ABCC9: variants seen among roughly 807,000 people sequenced by gnomAD.
ABCC9 encodes the protein ATP binding cassette subfamily C member 9.
A neutral mutation model predicts 188.3 loss-of-function variants in ABCC9; 95 were observed. The observed-to-expected ratio is 0.50, with a 90% CI of 0.43 to 0.60. The LOEUF (loss-of-function observed/expected upper bound fraction) is 0.60. Ranked by LOEUF, ABCC9 falls within the 20% of genes least tolerant of loss-of-function variation. The probability of loss-of-function intolerance (pLI) is 0.00; values close to 1 mark genes in which losing one functional copy is unlikely to be tolerated. For missense variants in ABCC9, 1,102 were observed against 1,876.3 expected (o/e 0.59, Z 7.62); for synonymous variants, 659 against 652.7 (o/e 1.01, Z -0.15).
intron 4 of ABCC9, among the ~76,000 whole-genome samples, chr12:21,929,897 A>G (rs1369164778): frequency 1.3e-5 from 2 of 152,052 alleles, no homozygotes; most frequent in African/African-American, 4.8e-5. Context: ...GTTTTGTTAC[A>G]TATGTATACA....
intron 8 of ABCC9, among the ~76,000 whole-genome samples, chr12:21,911,591 G>A (rs545993627): frequency 1.4e-4 from 22 of 152,042 alleles, no homozygotes; most frequent in African/African-American, 3.1e-4. Flanking sequence ...TGTAACAATA[G>A]CATATGGTAA....
Position 21,818,140 on chromosome 12 carries a change from C to A in ABCC9, c.3771+10G>T, listed in dbSNP as rs1192963644. ...TTATCTGTTCCTGTAATATTTTTAT[C>A]CATACCTACCGTAAGTGCATACAGA... On this transcript the variant is annotated intron_variant, in intron 32 of 39. Transcript: ENST00000261200. 1 of 1,585,726 alleles carries A rather than the reference C, an allele frequency of 6.3e-7. No individual in the cohort carries two copies. The highest frequency in any genetic ancestry group is 1.3e-5 in the African/African-American group (1 of 74,248).
chr12:21,829,037 C>A lies in ABCC9; in HGVS notation c.3590G>T (p.Arg1197Leu), dbSNP rs755156050. 3 of 1,613,734 alleles carry A rather than the reference C, an allele frequency of 1.9e-6. No homozygotes were observed. The highest frequency in any genetic ancestry group is 2.7e-5 in the African/African-American group (2 of 74,866). Residue 1197 changes from arginine to leucine, a missense_variant, in exon 31 of 40, where the codon CGT (arginine) becomes CTT (leucine). Arg to Leu is a moderately radical substitution (Grantham distance 102). This residue lies in a region of ABCC9 where 143 missense variants were observed against 225.6 expected (regional missense o/e 0.63). Coordinates refer to ENST00000261200, the MANE Select transcript of ABCC9 (RefSeq NM_020297.4). Reference sequence around the variant, plus strand: ...GTTTGTATCCGTCAGTTCCAGCATACGTTGTTTAAATCTGGTTTCATGCCT... The same window carrying A: ...GTTTGTATCCGTCAGTTCCAGCATAAGTTGTTTAAATCTGGTTTCATGCCT... ...AFRHETRFKQ[R>L]MLELTDTNNI...
chr12:21,929,258 A>C (rs1024513805), intron 4 of ABCC9, among the ~76,000 whole-genome samples: 3 of 151,964 alleles, frequency 2.0e-5, no homozygotes, highest in Non-Finnish European at 4.4e-5. Flanking sequence ...ACTATAATAA[A>C]AATGCTAATA....
intron 39 of ABCC9, among the ~76,000 whole-genome samples, chr12:21,802,917 G>T (rs1280023296): frequency 6.6e-6 from 1 of 152,116 alleles, no homozygotes; most frequent in Admixed American, 6.6e-5. Context: ...GACTCATGAC[G>T]TGAGGGGAAA....
At chr12:21,889,209 A>G (rs1565450772) in intron 14 of ABCC9, among the ~76,000 whole-genome samples, 1 of 152,198 alleles carries the variant, frequency 6.6e-6, no homozygotes, top group Non-Finnish European at 1.5e-5. Context: ...TTAGCTGTCA[A>G]ATTGCACTTG....
intron 18 of ABCC9, among the ~76,000 whole-genome samples, chr12:21,866,703 C>T (rs892598148): frequency 3.9e-5 from 6 of 152,098 alleles, no homozygotes; most frequent in African/African-American, 1.2e-4. Context: ...TTCAAGGAGT[C>T]GTCGATGGGT....
chr12:21,872,260 G>A (rs1407233432), intron 18 of ABCC9, among the ~76,000 whole-genome samples: 2 of 152,100 alleles, frequency 1.3e-5, no homozygotes, highest in Non-Finnish European at 1.5e-5. Context: ...TTAAGGCACT[G>A]TTTCTATTTA....
rs141721874 is a variant in ABCC9, at chr12:21,814,278, T to C, written c.4102+366A>G. On this transcript the variant is annotated intron_variant, in intron 35 of 39. Transcript: ENST00000261200. ...TACCTCCTTGTACTTTTTTCCTTTG[T>C]TGGAAAGAGACATACATTTAGTCTA... is the stretch of plus-strand genomic sequence containing the variant. 4.6e-3 allele frequency among the ~76,000 whole-genome samples: 704 copies of C among 152,282 alleles called. 8 individuals carry two copies. The highest frequency in any genetic ancestry group is 0.016 in the African/African-American group (676 of 41,550).
At chr12:21,880,925 G>A (rs1460472828) in intron 16 of ABCC9, among the ~76,000 whole-genome samples, 1 of 151,800 alleles carries the variant, frequency 6.6e-6, no homozygotes, top group African/African-American at 2.4e-5. Flanking sequence ...ATTAAATTCT[G>A]GTATATTTAT....
chr12:21,805,429 A>T, intron 39 of ABCC9: 1 of 968,350 alleles, frequency 1.0e-6, no homozygotes, highest in South Asian at 1.4e-5. Context: ...CCACTTGCAA[A>T]GAGGAAAAGG....
chr12:21,932,891 G>A (rs780744082), intron 4 of ABCC9, among the ~76,000 whole-genome samples: 4 of 151,138 alleles, frequency 2.6e-5, no homozygotes, highest in Non-Finnish European at 4.4e-5. Context: ...TTGGGTAATG[G>A]GAATATAAAT....
chr12:21,811,073 G>A lies in ABCC9; in HGVS notation c.4211+976C>T, dbSNP rs531652607. On this transcript the variant is annotated intron_variant, in intron 36 of 39. Transcript: ENST00000261200. ...TCCTCACGTGTCCAGGGAGGGACCTGGTGGGAGCTGATTAGATCACTGGGG... is the reference window on the plus strand; with the variant it reads ...TCCTCACGTGTCCAGGGAGGGACCTAGTGGGAGCTGATTAGATCACTGGGG... Among the ~76,000 whole-genome samples, 5 of 152,228 alleles carry A rather than the reference G, an allele frequency of 3.3e-5. No individual in the cohort carries two copies. In the East Asian group the frequency reaches 7.7e-4, roughly 24 times the overall value.
chr12:21,925,587 A>T (rs2137995853), intron 5 of ABCC9: 1 of 692,562 alleles, frequency 1.4e-6, no homozygotes, highest in East Asian at 2.7e-5. Flanking sequence ...TTCACAGGGC[A>T]GCATGGTGCC....
chr12:21,869,638 T>C (rs1413852486), intron 18 of ABCC9: 2 of 152,228 alleles, frequency 1.3e-5, no homozygotes, highest in Non-Finnish European at 2.9e-5. Flanking sequence ...TAGACCCTTT[T>C]AGGATCCTCA....
intron 4 of ABCC9, among the ~76,000 whole-genome samples, chr12:21,928,921 C>T (rs961901742): frequency 6.6e-6 from 1 of 152,012 alleles, no homozygotes; most frequent in Non-Finnish European, 1.5e-5. Flanking sequence ...ACCTCGATGG[C>T]TTGGTAGGAG....
rs143316915 is a variant in ABCC9 at position 21,829,021 on chromosome 12, C to T, written c.3606G>A (p.Thr1202=). 114 of 1,613,740 alleles carry T rather than the reference C, an allele frequency of 7.1e-5. No homozygotes were observed. Among genetic ancestry groups the T allele is most frequent in the Non-Finnish European group, 7.0e-5 (83 of 1,179,946 alleles). Residue 1202 remains threonine (T), a synonymous_variant, in exon 31 of 40, where the codon ACG becomes ACA. Coordinates refer to ENST00000261200, the MANE Select transcript of ABCC9 (RefSeq NM_020297.4). ...TRFKQRMLEL[T]DTNNIAYLFL... is the part of the protein sequence containing the mutation. ...ATAAGTAGGCAATGTTGTTTGTATC[C>T]GTCAGTTCCAGCATACGTTGTTTAA...
rs1483325929 is a variant in ABCC9 at position 21,917,052 on chromosome 12, A to ACCAATTTTATT, written c.447_457dup (p.Val153GlufsTer2). ...GTCCAAGCCAGACTGACAGTACTTA[A>ACCAATTTTATT]CCAATTTTATTGTTTTTGTAATAAA... On this transcript the variant is annotated stop_gained and frameshift_variant, in exon 6 of 40. Coordinates refer to ENST00000261200, the MANE Select transcript of ABCC9 (RefSeq NM_020297.4). LOFTEE classifies it high-confidence loss of function. The ACCAATTTTATT allele has an allele frequency of 1.2e-6, 2 of 1,613,866 alleles. No individual in the cohort carries two copies. Among genetic ancestry groups the ACCAATTTTATT allele is most frequent in the South Asian group, 2.2e-5 (2 of 91,076 alleles).
At chr12:21,890,620 C>G (rs1947107676) in intron 14 of ABCC9, among the ~76,000 whole-genome samples, 1 of 152,106 alleles carries the variant, frequency 6.6e-6, no homozygotes, top group African/African-American at 2.4e-5. Context: ...CACATATACA[C>G]CATGGAATAC....
Sources: gnomAD v4.1 joint callset for allele counts (sites outside exome capture counted in the v4.1 genomes callset) on GRCh38, gnomAD v4.1.1 for gene constraint, gnomAD v4.1.1 regional missense constraint, MANE v1.5 for transcripts, NCBI Gene and HGNC (gene_info 2026-07-23, HGNC 2026-07-21) for gene names.